Variants in TMEM123 observed in about 807,000 individuals in gnomAD.
TMEM123 encodes transmembrane protein 123.
Under a neutral mutation model 19.7 loss-of-function variants are expected in TMEM123, and 16 were observed. That is an observed-to-expected ratio of 0.81 (90% CI 0.55 to 1.23). The LOEUF (loss-of-function observed/expected upper bound fraction) is 1.23, where lower values mean the gene tolerates loss of function less well. Ranked by LOEUF, TMEM123 falls within the 50% of genes most tolerant of loss-of-function variation. The pLI, the probability that TMEM123 is intolerant of heterozygous loss-of-function variation, is 0.00. For synonymous variants in TMEM123, 118 were observed against 99.4 expected (o/e 1.19, Z -1.12); for missense variants, 313 against 257.8 (o/e 1.21, Z -1.47).
chr11:102,409,147 T>TA (rs1951981014), intron 2 of TMEM123, among the ~76,000 whole-genome samples: 1 of 152,206 alleles, frequency 6.6e-6, no homozygotes, highest in South Asian at 2.1e-4. Flanking sequence ...ATCCAATTTT[T>TA]AAAAATCTCA....
rs1343581403 is a variant in TMEM123, at chr11:102,397,918, G to A, written c.*949C>T. The stretch of plus-strand genomic sequence containing the variant: ...CAAGCGGTTCTTTTTCTTAAAGTTA[G>A]GTGTGTTTACACTCAATTAAAAATT... On this transcript the variant is annotated 3_prime_UTR_variant, in exon 5 of 5. Coordinates refer to ENST00000398136, the MANE Select transcript of TMEM123 (RefSeq NM_052932.3). The A allele has an allele frequency of 6.6e-6, 1 of 152,044 alleles. No homozygotes were observed. Among genetic ancestry groups the A allele is most frequent in the Non-Finnish European group, 1.5e-5 (1 of 68,008 alleles). The allele number at this position is 152,044 out of a possible 1,614,324, so 9.4% of individuals were successfully genotyped here. A position where few individuals can be genotyped will look rare whatever the true frequency, so the allele number is the denominator to read the frequency against.
intron 2 of TMEM123, among the ~76,000 whole-genome samples, chr11:102,406,982 G>A (rs972432775): frequency 1.3e-5 from 2 of 152,086 alleles, no homozygotes; most frequent in African/African-American, 2.4e-5. Flanking sequence ...GAGGCCCACT[G>A]CACCAAGAGC....
intron 2 of TMEM123, among the ~76,000 whole-genome samples, chr11:102,402,594 T>C (rs942684653): frequency 1.3e-5 from 2 of 152,240 alleles, no homozygotes; most frequent in African/African-American, 2.4e-5. Flanking sequence ...CTAATGAATA[T>C]AAAAATGGTT....
chr11:102,414,361 G>A (rs1952027704), intron 2 of TMEM123, among the ~76,000 whole-genome samples: 1 of 152,130 alleles, frequency 6.6e-6, no homozygotes, highest in African/African-American at 2.4e-5. Flanking sequence ...ACTCCTGCAA[G>A]ATACCATACA....
chr11:102,416,336 A>G (rs904770906), intron 2 of TMEM123, among the ~76,000 whole-genome samples: 88 of 152,230 alleles, frequency 5.8e-4, no homozygotes, highest in African/African-American at 2.1e-3. Context: ...ATTACCACCA[A>G]CCCTACAGAA....
At chr11:102,422,003 GCTCTT>G (rs1277164452) in intron 2 of TMEM123, among the ~76,000 whole-genome samples, 9 of 152,142 alleles carry the variant, frequency 5.9e-5, no homozygotes, top group Admixed American at 4.6e-4. Context: ...TGAGCCTGGT[GCTCTT>G]GTCATTAGTT....
At chr11:102,409,095 C>T (rs1951980528) in intron 2 of TMEM123, among the ~76,000 whole-genome samples, 1 of 152,100 alleles carries the variant, frequency 6.6e-6, no homozygotes, top group Non-Finnish European at 1.5e-5. Flanking sequence ...TTGTTTTCAT[C>T]AGGGCATCAA....
chr11:102,438,386 T>G (rs1198695872), intron 2 of TMEM123, among the ~76,000 whole-genome samples: 1 of 152,190 alleles, frequency 6.6e-6, no homozygotes, highest in African/African-American at 2.4e-5. Flanking sequence ...AATCATCTTT[T>G]TAGTTGTTTA....
At chr11:102,446,340 A>G (rs1360463325) in intron 2 of TMEM123, among the ~76,000 whole-genome samples, 2 of 152,234 alleles carry the variant, frequency 1.3e-5, no homozygotes, top group East Asian at 1.9e-4. Context: ...AAGAATGTCA[A>G]AAGTACAGCT....
Position 102,435,429 on chromosome 11 carries a change from TACA to T in TMEM123, c.157+13380_157+13382del, listed in dbSNP as rs370779437. Among the ~76,000 whole-genome samples, 12 of 152,062 alleles carry T rather than the reference TACA, an allele frequency of 7.9e-5. No individual in the cohort carries two copies. The East Asian group carries it at 1.2e-3, about 15-fold the overall frequency. ...TAGGTTAGATACAACGAAAAAACCG[TACA>T]ACAACAAGGACTGGTGAGGATATGA... is the stretch of plus-strand genomic sequence containing the variant. On this transcript the variant is annotated intron_variant, in intron 2 of 4. Coordinates refer to ENST00000398136, the MANE Select transcript of TMEM123 (RefSeq NM_052932.3).
Position 102,452,566 on chromosome 11 carries a change from G to C in TMEM123, c.58C>G (p.Leu20Val), listed in dbSNP as rs761320014. The C allele has an allele frequency of 8.3e-6, 13 of 1,572,878 alleles. No homozygotes were observed. Among genetic ancestry groups the C allele is most frequent in the Non-Finnish European group, 1.1e-5 (13 of 1,164,050 alleles). Residue 20 changes from leucine (L) to valine (V), a missense_variant, in exon 1 of 5, where the codon CTA becomes GTA. Transcript: ENST00000398136. ...TCATGGGCGGCCCCCAGCAGCGCTA[G>C]CACCTGCAGCGTCCCCAGGAGCAGC... ...AALLLGTLQVLALLGAAHESA... is the reference protein window; with the variant it reads ...AALLLGTLQVVALLGAAHESA...
At chr11:102,421,308 ATG>A (rs1952085283) in intron 2 of TMEM123, among the ~76,000 whole-genome samples, 1 of 152,230 alleles carries the variant, frequency 6.6e-6, no homozygotes, top group Non-Finnish European at 1.5e-5. Flanking sequence ...CGGGACTAAA[ATG>A]TGTGAAAAAA....
chr11:102,431,637 T>A (rs1426969358), intron 2 of TMEM123, among the ~76,000 whole-genome samples: 1 of 152,246 alleles, frequency 6.6e-6, no homozygotes, highest in Non-Finnish European at 1.5e-5. Flanking sequence ...TTTGCTTTTT[T>A]AAAGCTGAAT....
intron 2 of TMEM123, among the ~76,000 whole-genome samples, chr11:102,424,323 C>T (rs970143305): frequency 6.6e-5 from 10 of 152,342 alleles, no homozygotes; most frequent in African/African-American, 2.4e-4. Context: ...ATTTATAAAG[C>T]AGTGAATACT....
intron 2 of TMEM123, among the ~76,000 whole-genome samples, chr11:102,446,766 G>A (rs1830260705): frequency 6.6e-6 from 1 of 152,144 alleles, no homozygotes; most frequent in African/African-American, 2.4e-5. Flanking sequence ...AAAAGTGATA[G>A]ACACCCAACA....
intron 2 of TMEM123, among the ~76,000 whole-genome samples, chr11:102,422,725 A>C (rs1952097057): frequency 6.6e-6 from 1 of 152,190 alleles, no homozygotes; most frequent in African/African-American, 2.4e-5. Flanking sequence ...CATCATGCAA[A>C]ATGTATTTGC....
intron 2 of TMEM123, among the ~76,000 whole-genome samples, 161 bp from the exon 3 acceptor site, chr11:102,402,367 A>C (rs1951921875): frequency 6.6e-6 from 1 of 152,176 alleles, no homozygotes; most frequent in East Asian, 1.9e-4. Context: ...TACTGCAATA[A>C]AATGTCTCAA....
In TMEM123 at chr11:102,396,576, A is replaced by G. The variant is rs1348822175; in HGVS notation, c.*2291T>C. 1 of 152,134 alleles carries G rather than the reference A, an allele frequency of 6.6e-6. No individual in the cohort carries two copies. Among genetic ancestry groups the G allele is most frequent in the East Asian group, 1.9e-4 (1 of 5,182 alleles). The allele number at this position is 152,134 out of a possible 1,614,324, so 9.4% of individuals were successfully genotyped here. A position where few individuals can be genotyped will look rare whatever the true frequency, so the allele number is the denominator to read the frequency against. ...TTATACATCTGGATTGTTTGTTTTG[A>G]TCTTCAGATAAATACATTCTCAAGG... On this transcript the variant is annotated 3_prime_UTR_variant, in exon 5 of 5. Transcript: ENST00000398136.
rs532773681 is a variant in TMEM123 at position 102,410,664 on chromosome 11, AC to A, written c.158-8459del. On this transcript the variant is annotated intron_variant, in intron 2 of 4. Coordinates refer to ENST00000398136, the MANE Select transcript of TMEM123 (RefSeq NM_052932.3). ...TCACTCTGCTATTCCTCCTTATCACACCCCTGTTAGGCTGACAGCTTGCTCC... is the reference window on the plus strand; with the variant it reads ...TCACTCTGCTATTCCTCCTTATCACACCCTGTTAGGCTGACAGCTTGCTCC... 4.0e-5 allele frequency among the ~76,000 whole-genome samples: 6 copies of A among 151,668 alleles called. No homozygotes were observed. In the South Asian group the frequency reaches 1.3e-3, roughly 32 times the overall value.
Sources: gnomAD v4.1 joint callset for allele counts (sites outside exome capture counted in the v4.1 genomes callset) on GRCh38, gnomAD v4.1.1 for gene constraint, MANE v1.5 for transcripts, NCBI Gene and HGNC (gene_info 2026-07-23, HGNC 2026-07-21) for gene names.